Variants in PLCH1 observed in about 807,000 individuals in gnomAD.
PLCH1 encodes the protein 1-phosphatidylinositol 4,5-bisphosphate phosphodiesterase eta-1.
A neutral mutation model predicts 126.7 loss-of-function variants in PLCH1; 60 were observed. The ratio of observed to expected loss-of-function variants is 0.47; its 90% CI spans 0.38 to 0.59. PLCH1 has a LOEUF of 0.59. PLCH1 is among the 20% of genes least tolerant of loss of function. The pLI, the probability that PLCH1 is intolerant of heterozygous loss-of-function variation, is 0.00. For synonymous variants in PLCH1, 719 were observed against 734.9 expected, an observed-to-expected ratio of 0.98 and a Z score of 0.35; for missense variants, 1,723 against 2,040.0, an observed-to-expected ratio of 0.84 and a Z score of 2.99.
At chr3:155,703,588 G>C (rs1414771690) in intron 2 of PLCH1, among the ~76,000 whole-genome samples, 1 of 152,204 alleles carries the variant, frequency 6.6e-6, no homozygotes, top group Non-Finnish European at 1.5e-5. Context: ...CCTCCACCCT[G>C]ATAGTAACGG....
chr3:155,627,021 G>T (rs569480420), intron 2 of PLCH1, among the ~76,000 whole-genome samples: 2 of 152,008 alleles, frequency 1.3e-5, no homozygotes, highest in South Asian at 4.1e-4. Context: ...ACATGAGGAA[G>T]AAAATACCCT....
chr3:155,664,876 T>C (rs527920986), intron 2 of PLCH1, among the ~76,000 whole-genome samples: 2 of 152,276 alleles, frequency 1.3e-5, no homozygotes, highest in South Asian at 2.1e-4. Context: ...AGTCATCATA[T>C]AGGTAGAGAT....
chr3:155,693,471 CAAAAAAA>C (rs1227159940), intron 2 of PLCH1, among the ~76,000 whole-genome samples: 2 of 10,354 alleles, frequency 1.9e-4, no homozygotes, highest in African/African-American at 2.0e-3. Context: ...GACTCCGTCT[CAAAAAAA>C]AAAAAAAAAA....
chr3:155,735,775 T>C (rs899857216), intron 1 of PLCH1, among the ~76,000 whole-genome samples: 11 of 152,190 alleles, frequency 7.2e-5, no homozygotes, highest in Admixed American at 6.5e-4. Context: ...AAAACATGTA[T>C]ATAATTTTTG....
intron 2 of PLCH1, among the ~76,000 whole-genome samples, chr3:155,678,002 G>A (rs1744223765): frequency 1.3e-5 from 2 of 152,100 alleles, no homozygotes; most frequent in Admixed American, 1.3e-4. Context: ...AAAAGCAAGA[G>A]GCATCTTGGG....
At chr3:155,552,531 G>A (rs11927323) in intron 9 of PLCH1, among the ~76,000 whole-genome samples, 2,668 of 152,196 alleles carry the variant, frequency 0.018, 78 homozygotes, top group African/African-American at 0.06. Context: ...ATAGACTAAC[G>A]GGGAAGGTTG....
chr3:155,655,863 T>C (rs1396003643), intron 2 of PLCH1, among the ~76,000 whole-genome samples: 2 of 151,858 alleles, frequency 1.3e-5, no homozygotes, highest in Non-Finnish European at 2.9e-5. Context: ...AGAAATAAAA[T>C]TATTAAATAC....
Position 155,523,877 on chromosome 3 carries a change from T to C in PLCH1, c.1470+20A>G, listed in dbSNP as rs767019988. 3 of 1,376,398 alleles carry C rather than the reference T, an allele frequency of 2.2e-6. No homozygotes were observed. The highest frequency in any genetic ancestry group is 1.4e-5 in the African/African-American group (1 of 69,502). The allele number at this position is 1,376,398 out of a possible 1,614,324, so 85.3% of individuals were successfully genotyped here. The stretch of plus-strand genomic sequence containing the variant: ...TACAGCATATCAAGGATAAAAAATA[T>C]GGTCATGCCTGCAACTTACATAATG... On this transcript the variant is annotated intron_variant, in intron 11 of 22. Coordinates refer to ENST00000460012, the MANE Select transcript of PLCH1 (RefSeq NM_014996.4).
intron 2 of PLCH1, among the ~76,000 whole-genome samples, chr3:155,599,537 A>G (rs531086528): frequency 6.6e-5 from 10 of 152,344 alleles, no homozygotes; most frequent in Non-Finnish European, 8.8e-5. Flanking sequence ...ATCCACCAGC[A>G]ATGAGAGGCT....
At chr3:155,653,465 C>A (rs896749379) in intron 2 of PLCH1, among the ~76,000 whole-genome samples, 10 of 152,204 alleles carry the variant, frequency 6.6e-5, no homozygotes, top group Admixed American at 6.5e-4. Flanking sequence ...GTTGGTTCCA[C>A]AGTCTCACAC....
At chr3:155,550,930 CTGAT>C (rs1229435596) in intron 9 of PLCH1, among the ~76,000 whole-genome samples, 16 of 152,144 alleles carry the variant, frequency 1.1e-4, no homozygotes, top group African/African-American at 3.9e-4. Flanking sequence ...TTAGTAAAAC[CTGAT>C]GCTGTGGGCC....
chr3:155,583,427 A>C, intron 6 of PLCH1, 45 bp downstream of exon 6: 1 of 1,437,892 alleles, frequency 7.0e-7, no homozygotes, highest in African/African-American at 1.5e-5. Context: ...CATATCTTTC[A>C]TGAGTACTTT....
intron 21 of PLCH1, among the ~76,000 whole-genome samples, chr3:155,456,053 T>C (rs531657505): frequency 6.6e-6 from 1 of 152,320 alleles, no homozygotes; most frequent in Admixed American, 6.5e-5. Flanking sequence ...CTGTCGATTG[T>C]TCAAGACAGG....
intron 2 of PLCH1, among the ~76,000 whole-genome samples, chr3:155,600,424 A>AG (rs1171653603): frequency 2.0e-5 from 3 of 152,246 alleles, no homozygotes; most frequent in Non-Finnish European, 4.4e-5. Flanking sequence ...GCTTTGCCAC[A>AG]GGTAAACAAG....
rs2108093165 is a variant in PLCH1, at chr3:155,494,179, T to C, written c.2144A>G (p.Asn715Ser). 2 of 1,614,160 alleles carry C rather than the reference T, an allele frequency of 1.2e-6. No homozygotes were observed. The highest frequency in any genetic ancestry group is 1.7e-6 in the Non-Finnish European group (2 of 1,180,002). Residue 715 changes from asparagine (N) to serine (S), a missense_variant, in exon 17 of 23, where the codon AAT (asparagine) becomes AGT (serine). Transcript: ENST00000460012. ...CTGGGGTTTGAGGACATAGCCACAA[T>C]TGCCATTTGCCTTGAATTTGGCTCG... is the stretch of plus-strand genomic sequence containing the variant. ...LNRAKFKANG[N>S]CGYVLKPQQM...
chr3:155,508,754 G>A (rs956511378), intron 12 of PLCH1, among the ~76,000 whole-genome samples: 2 of 93,890 alleles, frequency 2.1e-5, no homozygotes, highest in Non-Finnish European at 4.0e-5. Context: ...GATTCGGTTT[G>A]CCAGTATTTT....
chr3:155,589,918 G>A (rs1731884362), intron 4 of PLCH1, among the ~76,000 whole-genome samples: 1 of 152,118 alleles, frequency 6.6e-6, no homozygotes, highest in Non-Finnish European at 1.5e-5. Context: ...TCACCATGTT[G>A]CAGATAAAAG....
At chr3:155,692,523 CT>C (rs1745469477) in intron 2 of PLCH1, among the ~76,000 whole-genome samples, 1 of 151,772 alleles carries the variant, frequency 6.6e-6, no homozygotes, top group South Asian at 2.1e-4. Flanking sequence ...GATGATTTAC[CT>C]GGGCTTGGGT....
At chr3:155,519,534 G>A (rs1250749019) in intron 11 of PLCH1, among the ~76,000 whole-genome samples, 2 of 152,050 alleles carry the variant, frequency 1.3e-5, no homozygotes, top group Admixed American at 1.3e-4. Flanking sequence ...CCAGGAAAGG[G>A]GAGAAATTGG....
Sources: gnomAD v4.1 joint callset for allele counts (sites outside exome capture counted in the v4.1 genomes callset) on GRCh38, gnomAD v4.1.1 for gene constraint, MANE v1.5 for transcripts, NCBI Gene and HGNC (gene_info 2026-07-23, HGNC 2026-07-21) for gene names.